ANKRD35: variants seen among roughly 807,000 people sequenced by gnomAD.
The protein encoded by ANKRD35 is ankyrin repeat domain 35, also known as ankyrin repeat domain-containing protein 35.
ANKRD35 carries 102 observed loss-of-function variants against 109.9 expected under a neutral mutation model. That is an observed-to-expected ratio of 0.93 (90% confidence interval 0.79 to 1.09). The LOEUF (loss-of-function observed/expected upper bound fraction) is 1.09. Ranked by LOEUF, ANKRD35 falls within the 50% of genes least tolerant of loss-of-function variation. The pLI is 0.00. For synonymous variants in ANKRD35, 515 were observed against 512.4 expected, an observed-to-expected ratio of 1.01 and a Z score of -0.07; for missense variants, 1,240 against 1,230.1, an observed-to-expected ratio of 1.01 and a Z score of -0.12.
At position 145,874,865 on chromosome 1, in the gene ANKRD35, C is replaced by T. The variant is rs1211414996; in HGVS notation, c.702G>A (p.Leu234=). The T allele has an allele frequency of 1.9e-6, 3 of 1,610,986 alleles. No homozygotes were observed. Among genetic ancestry groups the T allele is most frequent in the Non-Finnish European group, 1.7e-6 (2 of 1,178,432 alleles). ...HYALHTQDKA[L]WRHLQQALSR... ...TCAGGGCCTGCTGTAGGTGCCTCCA[C>T]AGTGCCTTGTCTTGTGTGTGCAGAG... The change falls in exon 8 of 14, where the codon CTG becomes CTA. Residue 234 remains leucine, a synonymous_variant. Transcript: ENST00000355594.
At position 145,876,938 on chromosome 1, in the gene ANKRD35, A is replaced by C. The variant is rs1387639269; in HGVS notation, c.325-65T>G. 6.5e-6 allele frequency: 10 copies of C among 1,530,324 alleles called. No individual in the cohort carries two copies. The Admixed American group carries it at 8.4e-5, about 13-fold the overall frequency. 94.8% of individuals were successfully genotyped at this position (1,530,324 alleles called of 1,614,324 possible). On this transcript the variant is annotated intron_variant, in intron 4 of 13. Transcript: ENST00000355594. ...GTTAACATCCTCATCCCATACCCCC[A>C]TTGGGTCACCAATTTCCATGGTAAT...
chr1:145,877,439 A>T (rs1359260684), intron 4 of ANKRD35, among the ~76,000 whole-genome samples: 1 of 152,094 alleles, frequency 6.6e-6, no homozygotes, highest in Non-Finnish European at 1.5e-5. Context: ...TCACTGTGTT[A>T]GCCAGGATGG....
intron 13 of ANKRD35, 58 bp downstream of exon 13, chr1:145,867,229 C>T: frequency 8.1e-7 from 1 of 1,237,236 alleles, no homozygotes; most frequent in Admixed American, 1.7e-5. Context: ...TTCCATACAC[C>T]TTTCCCAAGC....
rs587639956 is a variant in ANKRD35 at position 145,872,598 on chromosome 1, T to C, written c.2171A>G (p.Glu724Gly). 1 of 1,613,416 alleles carries C rather than the reference T, an allele frequency of 6.2e-7. No individual in the cohort carries two copies. Among genetic ancestry groups the C allele is most frequent in the East Asian group, 2.2e-5 (1 of 44,858 alleles). Residue 724 changes from glutamate to glycine, a missense_variant, in exon 10 of 14, where the codon GAG (glutamate) becomes GGG (glycine). Transcript: ENST00000355594. ...GCAGGCCCGCAGCTCCTCCAGGGAC[T>C]CCGCTGCTTTGCTTTGTGCACTCCT... ...GERSAQSKAA[E>G]SLEELRACIS... is the part of the protein sequence containing the mutation.
intron 7 of ANKRD35, among the ~76,000 whole-genome samples, chr1:145,875,588 G>A (rs781971365): frequency 6.0e-5 from 9 of 151,056 alleles, no homozygotes; most frequent in African/African-American, 2.0e-4. Context: ...CTCCTCTCTC[G>A]CCCAGGCTGG....
chr1:145,878,464 GGCT>G lies in ANKRD35; in HGVS notation c.183_185del (p.Ala62del). 6.4e-7 allele frequency: 1 copy of G among 1,568,780 alleles called. No homozygotes were observed. The highest frequency in any genetic ancestry group is 8.7e-7 in the Non-Finnish European group (1 of 1,155,766). ...TCAGACATTCTGTCAGGCCTTTGGAGGCTGCCAGATGAAACCTGCCAGAATCAA... is the reference window on the plus strand; with the variant it reads ...TCAGACATTCTGTCAGGCCTTTGGAGGCCAGATGAAACCTGCCAGAATCAA... On this transcript the variant is annotated inframe_deletion, in exon 3 of 14. Transcript: ENST00000355594.
In ANKRD35 at chr1:145,872,789, T is replaced by C. The variant is rs782160406; in HGVS notation, c.1980A>G (p.Pro660=). The change falls in exon 10 of 14, where the codon CCA becomes CCG. Residue 660 remains proline (P), a synonymous_variant. Transcript: ENST00000355594. ...QRLQREFVPK[P]QAQVQLQQLR... ...ACTGCTGTAGCTGGACCTGCGCCTG[T>C]GGCTTGGGCACAAACTCCCGCTGCA... 1.2e-6 allele frequency: 2 copies of C among 1,614,028 alleles called. No individual in the cohort carries two copies. Among genetic ancestry groups the C allele is most frequent in the Non-Finnish European group, 1.7e-6 (2 of 1,179,950 alleles).
At position 145,873,953 on chromosome 1, in the gene ANKRD35, A is replaced by G. The variant is rs1553739567; in HGVS notation, c.816T>C (p.Pro272=). The G allele has an allele frequency of 6.2e-7, 1 of 1,614,020 alleles. No individual in the cohort carries two copies. Among genetic ancestry groups the G allele is most frequent in the Admixed American group, 1.7e-5 (1 of 60,010 alleles). Reference sequence around the variant, plus strand: ...GCTCTGCTCTCCATGAGCTCTTAGGAGGAGAACCTGCCTGGGGCTCAGATG... The same window carrying G: ...GCTCTGCTCTCCATGAGCTCTTAGGGGGAGAACCTGCCTGGGGCTCAGATG... ...ASPSEPQAGS[P]PKSSWRAEPE... is the part of the protein sequence containing the mutation. Residue 272 remains proline, a synonymous_variant, in exon 10 of 14, where the codon CCT becomes CCC. Transcript: ENST00000355594.
intron 7 of ANKRD35, among the ~76,000 whole-genome samples, chr1:145,875,325 A>G (rs1407503600): frequency 6.6e-6 from 1 of 150,532 alleles, no homozygotes; most frequent in African/African-American, 2.4e-5. Flanking sequence ...TTGTATTTTT[A>G]GTAGAGACAG....
chr1:145,879,303 C>T lies in ANKRD35; in HGVS notation c.125G>A (p.Arg42Lys). The T allele has an allele frequency of 6.2e-7, 1 of 1,611,800 alleles. No individual in the cohort carries two copies. Among genetic ancestry groups the T allele is most frequent in the South Asian group, 1.1e-5 (1 of 90,626 alleles). The change falls in exon 2 of 14, where the codon AGG becomes AAG. Residue 42 changes from arginine (R) to lysine (K), a missense_variant. Transcript: ENST00000355594. Reference sequence around the variant, plus strand: ...AAGCTTGGTGGGTCGGGCAGATTTCCTGGAGGCCAGGGCAGCCACGCGTCC... The same window carrying T: ...AAGCTTGGTGGGTCGGGCAGATTTCTTGGAGGCCAGGGCAGCCACGCGTCC... The part of the protein sequence containing the change: ...DVGRVAALAS[R>K]KSARPTKLDS...
intron 10 of ANKRD35, among the ~76,000 whole-genome samples, chr1:145,870,243 C>T (rs191103028): frequency 6.6e-6 from 1 of 151,838 alleles, no homozygotes; most frequent in African/African-American, 2.4e-5. Context: ...AGGCGCCCAC[C>T]ACCACGCCCG....
intron 1 of ANKRD35, 134 bp from the exon 2 acceptor site, chr1:145,879,522 G>T: frequency 9.4e-7 from 1 of 1,067,104 alleles, no homozygotes; most frequent in Non-Finnish European, 1.2e-6. Context: ...ACACATCCTA[G>T]ATCATTTAGT....
chr1:145,884,696 T>TCTG (rs1654415715), intron 1 of ANKRD35, among the ~76,000 whole-genome samples: 1 of 151,506 alleles, frequency 6.6e-6, no homozygotes, highest in South Asian at 2.1e-4. Context: ...GAACTCTGAG[T>TCTG]CTGCTCTATC....
At chr1:145,867,637 T>C (rs1269248752) in intron 12 of ANKRD35, among the ~76,000 whole-genome samples, 1 of 152,146 alleles carries the variant, frequency 6.6e-6, no homozygotes, top group East Asian at 1.9e-4. Context: ...ACAATAGGTG[T>C]TCATTCCATT....
At chr1:145,868,483 G>T in intron 10 of ANKRD35, 83 bp from the exon 11 acceptor site, 1 of 1,165,068 alleles carries the variant, frequency 8.6e-7, no homozygotes, top group Non-Finnish European at 1.3e-6. Flanking sequence ...CTTTTACTGA[G>T]TATTTAATAT....
chr1:145,877,687 C>T (rs1654132973), intron 4 of ANKRD35, among the ~76,000 whole-genome samples: 1 of 152,190 alleles, frequency 6.6e-6, no homozygotes. Context: ...CTTCCTCTTG[C>T]CCCTCATCAT....
chr1:145,868,456 G>T, intron 10 of ANKRD35, 56 bp from the exon 11 acceptor site: 2 of 1,510,598 alleles, frequency 1.3e-6, no homozygotes, highest in South Asian at 2.3e-5. Context: ...TCTCCCACAA[G>T]GGTCAAGGTC....
In ANKRD35 at chr1:145,873,005, A is replaced by C; in HGVS notation, c.1764T>G (p.Val588=). 6.2e-7 allele frequency: 1 copy of C among 1,610,216 alleles called. No homozygotes were observed. The highest frequency in any genetic ancestry group is 2.2e-5 in the East Asian group (1 of 44,850). Residue 588 remains valine, a synonymous_variant, in exon 10 of 14, where the codon GTT becomes GTG. Transcript: ENST00000355594. ...CTAGAGGCTCTCCTTGAGCCCCAGG[A>C]ACCCTTTTCTCCTTCTCTTCATCCT... ...IKQDEEKEKR[V]PGAQGEPLGA... is the part of the protein sequence containing the mutation.
rs782814436 is a variant in ANKRD35, at chr1:145,878,368, G to T, written c.259+23C>A. ...GTACCAGGGGCAAGCAAGCAGCGTG[G>T]CCCAGTGCTCCGGCTCACTCACCAT... On this transcript the variant is annotated intron_variant, in intron 3 of 13. Transcript: ENST00000355594. 3 of 1,555,230 alleles carry T rather than the reference G, an allele frequency of 1.9e-6. No homozygotes were observed. The South Asian group carries it at 3.6e-5, about 18-fold the overall frequency.
Sources: allele counts gnomAD v4.1 joint callset (sites outside exome capture counted in the v4.1 genomes callset), GRCh38; gene constraint gnomAD v4.1.1; transcripts MANE v1.5; gene names NCBI Gene and HGNC (gene_info 2026-07-23, HGNC 2026-07-21).